Variants in FAM135B observed in about 807,000 individuals in gnomAD.
The protein encoded by FAM135B is family with sequence similarity 135 member B, also known as protein FAM135B.
Under a neutral mutation model 127.7 loss-of-function variants are expected in FAM135B, and 43 were observed. That is an observed-to-expected ratio of 0.34 (90% CI 0.26 to 0.43). The LOEUF (loss-of-function observed/expected upper bound fraction) is 0.43. Ranked by LOEUF, FAM135B falls within the 20% of genes least tolerant of loss-of-function variation. The pLI, the probability that FAM135B is intolerant of heterozygous loss-of-function variation, is 1.00. For synonymous variants in FAM135B, 670 were observed against 665.1 expected, an observed-to-expected ratio of 1.01 and a Z score of -0.11; for missense variants, 1,558 against 1,725.6, an observed-to-expected ratio of 0.90 and a Z score of 1.72.
chr8:138,355,275 T>C lies in FAM135B; in HGVS notation c.77+12632A>G, dbSNP rs143155769. Among the ~76,000 whole-genome samples the C allele has an allele frequency of 1.1e-4, 16 of 152,288 alleles. No individual in the cohort carries two copies. The East Asian group carries it at 2.5e-3, about 24-fold the overall frequency. On this transcript the variant is annotated intron_variant, in intron 2 of 19. Transcript: ENST00000395297. ...CTATAAAGACACATGCACACCTATG[T>C]TTACTGCGGCACTACTCACAACGGC... is the stretch of plus-strand genomic sequence containing the variant.
At chr8:138,178,419 C>A in intron 10 of FAM135B, 116 bp downstream of exon 10, 1 of 1,213,908 alleles carries the variant, frequency 8.2e-7, no homozygotes. Context: ...ATGGTAGAGA[C>A]ACGAAAGCAC....
intron 2 of FAM135B, among the ~76,000 whole-genome samples, chr8:138,357,461 T>G (rs1398287): frequency 3.9e-5 from 6 of 152,132 alleles, no homozygotes; most frequent in African/African-American, 1.2e-4. Context: ...GGAAAATACA[T>G]GTGAATATAA....
intron 1 of FAM135B, among the ~76,000 whole-genome samples, chr8:138,397,660 A>G (rs570608675): frequency 1.3e-5 from 2 of 152,276 alleles, no homozygotes; most frequent in Non-Finnish European, 2.9e-5. Context: ...TAGCAGTGAC[A>G]TCAAGGCTAC....
At chr8:138,252,985 G>C (rs1255133500) in intron 5 of FAM135B, among the ~76,000 whole-genome samples, 2 of 152,148 alleles carry the variant, frequency 1.3e-5, no homozygotes, top group Admixed American at 1.3e-4. Context: ...TTTTTCAGTA[G>C]AGATGGGGTT....
intron 6 of FAM135B, among the ~76,000 whole-genome samples, chr8:138,246,354 G>T (rs1328685802): frequency 6.6e-6 from 1 of 152,126 alleles, no homozygotes; most frequent in Non-Finnish European, 1.5e-5. Flanking sequence ...ATGGTTTTGA[G>T]GGCCTGGGAC....
chr8:138,300,744 C>CTTTTTTT (rs34292545), intron 3 of FAM135B, among the ~76,000 whole-genome samples: 1 of 100,492 alleles, frequency 1.0e-5, no homozygotes, highest in African/African-American at 3.7e-5. Flanking sequence ...ATTTTATCCA[C>CTTTTTTT]TTTTTTTTTT....
At chr8:138,301,095 C>T (rs1587008868) in intron 3 of FAM135B, among the ~76,000 whole-genome samples, 3 of 152,096 alleles carry the variant, frequency 2.0e-5, no homozygotes, top group East Asian at 3.9e-4. Flanking sequence ...GAGTCAGGAT[C>T]AAGAAACTGA....
intron 1 of FAM135B, among the ~76,000 whole-genome samples, chr8:138,443,860 T>C (rs141324810): frequency 2.8e-4 from 42 of 152,170 alleles, no homozygotes; most frequent in African/African-American, 9.4e-4. Flanking sequence ...GACTGGCAAA[T>C]TGGATAAAGA....
chr8:138,323,870 T>A (rs1827621964), intron 2 of FAM135B, among the ~76,000 whole-genome samples: 2 of 152,222 alleles, frequency 1.3e-5, no homozygotes, highest in Admixed American at 1.3e-4. Flanking sequence ...GTTGGACTTT[T>A]GTGTAGAAGT....
Position 138,152,462 on chromosome 8 carries a change from C to G in FAM135B, c.2013G>C (p.Val671=), listed in dbSNP as rs2130770489. 6.2e-7 allele frequency: 1 copy of G among 1,614,196 alleles called. No homozygotes were observed. The highest frequency in any genetic ancestry group is 2.2e-5 in the East Asian group (1 of 44,850). Residue 671 remains valine, a synonymous_variant, in exon 13 of 20, where the codon GTG becomes GTC. Transcript: ENST00000395297. ...SHTEEQEELS[V]LSGVIKRSSS... ...AAGATCTCTTGATGACCCCGGATAG[C>G]ACTGAGAGTTCCTCCTGCTCTTCTG...
chr8:138,434,333 G>T (rs148653801), intron 1 of FAM135B, among the ~76,000 whole-genome samples: 3 of 152,182 alleles, frequency 2.0e-5, no homozygotes, highest in Non-Finnish European at 4.4e-5. Context: ...AGAATAATCA[G>T]GAAAGCTTAC....
At chr8:138,266,680 CT>C (rs1822960386) in intron 3 of FAM135B, among the ~76,000 whole-genome samples, 1 of 149,534 alleles carries the variant, frequency 6.7e-6, no homozygotes, top group Admixed American at 6.7e-5. Flanking sequence ...ATAAATAGCA[CT>C]GCCCAGGGTT....
chr8:138,465,010 T>C (rs1269115705), intron 1 of FAM135B, among the ~76,000 whole-genome samples: 1 of 152,216 alleles, frequency 6.6e-6, no homozygotes, highest in Admixed American at 6.5e-5. Context: ...AGCCACAAGC[T>C]GGAATCACAG....
At chr8:138,354,519 T>C (rs994713826) in intron 2 of FAM135B, among the ~76,000 whole-genome samples, 1 of 152,184 alleles carries the variant, frequency 6.6e-6, no homozygotes, top group African/African-American at 2.4e-5. Context: ...TTGGGAGTTC[T>C]CTGTCCTCCA....
At chr8:138,354,557 AT>A (rs1829971586) in intron 2 of FAM135B, among the ~76,000 whole-genome samples, 1 of 152,032 alleles carries the variant, frequency 6.6e-6, no homozygotes, top group Admixed American at 6.6e-5. Flanking sequence ...TTTAACTTCC[AT>A]TTCTGACATC....
chr8:138,396,748 G>A (rs908841879), intron 1 of FAM135B, among the ~76,000 whole-genome samples: 2 of 152,024 alleles, frequency 1.3e-5, no homozygotes, highest in Non-Finnish European at 2.9e-5. Context: ...CTCACCCACA[G>A]CTGCAGGGCC....
In FAM135B at chr8:138,331,290, C is replaced by A. The variant is rs188173888; in HGVS notation, c.78-20370G>T. The stretch of plus-strand genomic sequence containing the variant: ...TATTTCGTCATCTGACTCAGGCATT[C>A]AAGTTGCTAATCAAAGGTCTTCGCA... On this transcript the variant is annotated intron_variant, in intron 2 of 19. Coordinates refer to ENST00000395297, the MANE Select transcript of FAM135B (RefSeq NM_015912.4). 4.2e-4 allele frequency among the ~76,000 whole-genome samples: 64 copies of A among 152,266 alleles called. 1 individual carries two copies. Among genetic ancestry groups the A allele is most frequent in the Admixed American group, 1.3e-3 (20 of 15,284 alleles).
At chr8:138,162,644 A>G (rs188046879) in intron 12 of FAM135B, among the ~76,000 whole-genome samples, 6 of 152,334 alleles carry the variant, frequency 3.9e-5, no homozygotes, top group African/African-American at 1.4e-4. Context: ...AAAATGAAAA[A>G]AGAATGGGAC....
Position 138,151,373 on chromosome 8 carries a change from A to C in FAM135B, c.3102T>G (p.Ser1034=), listed in dbSNP as rs2130726965. ...SLKAVEVVNL[S]VSCTATCLPF... is the part of the protein sequence containing the mutation. ...GGAGACAGGTGGCAGTGCAAGACAC[A>C]GATAAGTTCACAACCTCCACAGCCT... Residue 1034 remains serine (S), a synonymous_variant, in exon 13 of 20, where the codon TCT becomes TCG. Coordinates refer to ENST00000395297, the MANE Select transcript of FAM135B (RefSeq NM_015912.4). 2 of 1,613,744 alleles carry C rather than the reference A, an allele frequency of 1.2e-6. No individual in the cohort carries two copies. The highest frequency in any genetic ancestry group is 1.7e-6 in the Non-Finnish European group (2 of 1,179,858).
Sources: allele counts gnomAD v4.1 joint callset (sites outside exome capture counted in the v4.1 genomes callset), GRCh38; gene constraint gnomAD v4.1.1; transcripts MANE v1.5; gene names NCBI Gene and HGNC (gene_info 2026-07-23, HGNC 2026-07-21).